Variants in SEMA4C observed in about 807,000 individuals in gnomAD.
The protein encoded by SEMA4C is semaphorin 4C.
Under a neutral mutation model 89.0 loss-of-function variants are expected in SEMA4C, and 19 were observed. That is an observed-to-expected ratio of 0.21 (90% CI 0.15 to 0.31). The LOEUF is 0.31. Ranked by LOEUF, SEMA4C falls within the 10% of genes least tolerant of loss-of-function variation. The pLI is 1.00. For missense variants in SEMA4C, 811 were observed against 1,107.0 expected, an observed-to-expected ratio of 0.73 and a Z score of 3.79; for synonymous variants, 428 against 472.7, an observed-to-expected ratio of 0.91 and a Z score of 1.23.
Position 96,865,944 on chromosome 2 carries a change from G to A in SEMA4C, c.259-15C>T, listed in dbSNP as rs766411271. 3.1e-6 allele frequency: 5 copies of A among 1,613,570 alleles called. No individual in the cohort carries two copies. The highest frequency in any genetic ancestry group is 3.4e-6 in the Non-Finnish European group (4 of 1,179,728). On this transcript the variant is annotated splice_polypyrimidine_tract_variant and intron_variant, in intron 3 of 14. Transcript: ENST00000305476. Reference sequence around the variant, plus strand: ...TCCCAGGAGATCTGGGGAAAGGGAAGGGGATGTCAGCCACGTTACAGGTAC... The same window carrying A: ...TCCCAGGAGATCTGGGGAAAGGGAAAGGGATGTCAGCCACGTTACAGGTAC...
rs2079929283 is a variant in SEMA4C at position 96,861,013 on chromosome 2, C to T, written c.2115G>A (p.Leu705=). ...EKGAKATERT[L]VYPLELPKEP... ...CCTTGGGCAGCTCCAGGGGGTACAC[C>T]AAGGTCCTCTCAGTAGCCTTGGCCC... The change falls in exon 15 of 15, where the codon TTG becomes TTA. Residue 705 remains leucine, a synonymous_variant. Coordinates refer to ENST00000305476, the MANE Select transcript of SEMA4C (RefSeq NM_017789.5). This position sits in a 1 kb window ranked among gnomAD's most constrained non-coding sequence, Gnocchi z 7.8. 1 of 1,612,932 alleles carries T rather than the reference C, an allele frequency of 6.2e-7. No individual in the cohort carries two copies.
intron 1 of SEMA4C, 91 bp downstream of exon 1, chr2:96,869,785 C>G (rs1193352577): frequency 6.1e-6 from 6 of 985,140 alleles, no homozygotes; most frequent in Non-Finnish European, 7.2e-6. Flanking sequence ...CTGTCCCTCC[C>G]GCGTCCGGCA....
In SEMA4C at chr2:96,861,284, A is replaced by G. The variant is rs147383988; in HGVS notation, c.1844T>C (p.Met615Thr). 1.0e-4 allele frequency: 168 copies of G among 1,608,020 alleles called. No individual in the cohort carries two copies. Among genetic ancestry groups the G allele is most frequent in the Non-Finnish European group, 1.2e-4 (143 of 1,179,702 alleles). The change falls in exon 15 of 15, where the codon ATG (methionine) becomes ACG (threonine). Residue 615 changes from methionine (M) to threonine (T), a missense_variant. Met to Thr is a moderately conservative substitution (Grantham distance 81, BLOSUM62 -1). Transcript: ENST00000305476. This position sits in a 1 kb window ranked among gnomAD's most constrained non-coding sequence, Gnocchi z 7.8. ...YDARLQALVV[M>T]AAQPRHAGAY... ...CCCGGCATGGCGGGGCTGGGCAGCC[A>G]TCACAACCAGGGCCTGGAGCCGGGC...
rs1436407115 is a variant in SEMA4C, at chr2:96,869,888, G to A, written c.-50C>T. ...CGGCCTCGCTCACCTATTGCGCGCA[G>A]CTCCAGTCCCCGGGCGCCGCCCTCG... On this transcript the variant is annotated 5_prime_UTR_variant, in exon 1 of 15. Transcript: ENST00000305476. 5 of 985,860 alleles carry A rather than the reference G, an allele frequency of 5.1e-6. No individual in the cohort carries two copies. Among genetic ancestry groups the A allele is most frequent in the African/African-American group, 1.7e-5 (1 of 57,208 alleles). The allele number at this position is 985,860 out of a possible 1,614,324, so 61.1% of individuals were successfully genotyped here.
chr2:96,863,110 T>A, intron 12 of SEMA4C: 1 of 316,524 alleles, frequency 3.2e-6, no homozygotes, highest in South Asian at 1.2e-4. Flanking sequence ...CTCAGGAGGC[T>A]GAGGCATAAG....
intron 1 of SEMA4C, chr2:96,869,442 G>C (rs941524001): frequency 3.5e-5 from 34 of 985,024 alleles, no homozygotes; most frequent in Non-Finnish European, 4.1e-5. Context: ...CTGGCTTTCC[G>C]GGACAACCCG....
At chr2:96,867,639 C>T in intron 2 of SEMA4C, 139 bp downstream of exon 2, 1 of 915,504 alleles carries the variant, frequency 1.1e-6, no homozygotes, top group South Asian at 1.4e-5. Context: ...ATCCCAGGTC[C>T]CAACCCACAC....
rs951300240 is a variant in SEMA4C at position 96,864,161 on chromosome 2, T to A, written c.1108-13A>T. 1 of 1,606,738 alleles carries A rather than the reference T, an allele frequency of 6.2e-7. No individual in the cohort carries two copies. The highest frequency in any genetic ancestry group is 8.5e-7 in the Non-Finnish European group (1 of 1,177,596). On this transcript the variant is annotated splice_polypyrimidine_tract_variant and intron_variant, in intron 10 of 14. Transcript: ENST00000305476. This position sits in a 1 kb window ranked among gnomAD's most constrained non-coding sequence, Gnocchi z 6.3. ...AGTTGTTAATGCACTGGGGGCAGGG[T>A]GTGGGGGGCAGGCCATCAGCAGGGT...
At chr2:96,862,182 A>G in intron 12 of SEMA4C, 1 of 420,412 alleles carries the variant, frequency 2.4e-6, no homozygotes, top group Non-Finnish European at 4.3e-6. Context: ...AAGTATAATC[A>G]CACACACTCA....
Position 96,865,125 on chromosome 2 carries a change from G to T in SEMA4C, c.635-10C>A. 1 of 1,586,256 alleles carries T rather than the reference G, an allele frequency of 6.3e-7. No homozygotes were observed. The highest frequency in any genetic ancestry group is 1.3e-5 in the African/African-American group (1 of 74,490). ...CCTACAAAGTGAGGTTCTGTGGGAA[G>T]GGGAGGAGGTCAGCAGGGAGGGGCT... On this transcript the variant is annotated splice_polypyrimidine_tract_variant and intron_variant, in intron 7 of 14. Coordinates refer to ENST00000305476, the MANE Select transcript of SEMA4C (RefSeq NM_017789.5).
At position 96,864,599 on chromosome 2, in the gene SEMA4C, G is replaced by A. The variant is rs1156734569; in HGVS notation, c.962+106C>T. ...CATTCTCCTTGGCTTCTGGACACCTGGCTTCCGGGACTGCCTCTGAGGCCT... is the reference window on the plus strand; with the variant it reads ...CATTCTCCTTGGCTTCTGGACACCTAGCTTCCGGGACTGCCTCTGAGGCCT... On this transcript the variant is annotated intron_variant, in intron 9 of 14. Coordinates refer to ENST00000305476, the MANE Select transcript of SEMA4C (RefSeq NM_017789.5). This position sits in a 1 kb window ranked among gnomAD's most constrained non-coding sequence, Gnocchi z 6.3. 17 of 1,431,446 alleles carry A rather than the reference G, an allele frequency of 1.2e-5. No individual in the cohort carries two copies. The highest frequency in any genetic ancestry group is 1.5e-5 in the Non-Finnish European group (16 of 1,056,184). 88.7% of individuals were successfully genotyped at this position (1,431,446 alleles called of 1,614,324 possible). A position where few individuals can be genotyped will look rare whatever the true frequency, so the allele number is the denominator to read the frequency against.
At chr2:96,867,085 TAC>T (rs2080090798) in intron 2 of SEMA4C, among the ~76,000 whole-genome samples, 1 of 152,102 alleles carries the variant, frequency 6.6e-6, no homozygotes. Flanking sequence ...ACGACATTTA[TAC>T]AGTCACGTGA....
rs746609266 is a variant in SEMA4C, at chr2:96,861,147, T to C, written c.1981A>G (p.Asn661Asp). Residue 661 changes from asparagine (N) to aspartate (D), a missense_variant, in exon 15 of 15, where the codon AAC becomes GAC. This residue lies in a region of SEMA4C where 248 missense variants were observed against 269.0 expected (regional missense o/e 0.92). Transcript: ENST00000305476. This position sits in a 1 kb window ranked among gnomAD's most constrained non-coding sequence, Gnocchi z 7.8. Reference protein sequence around the residue: ...VTLEARAPLENLGLVWLAVVA... With the variant: ...VTLEARAPLEDLGLVWLAVVA... ...ACCGCCAGCCACACCAGCCCCAGGTTTTCCAGGGGGGCCCGGGCCTCCAAG... is the reference window on the plus strand; with the variant it reads ...ACCGCCAGCCACACCAGCCCCAGGTCTTCCAGGGGGGCCCGGGCCTCCAAG... The C allele has an allele frequency of 3.1e-6, 5 of 1,611,158 alleles. No individual in the cohort carries two copies. The highest frequency in any genetic ancestry group is 1.1e-5 in the South Asian group (1 of 91,034).
chr2:96,860,267 G>A lies in SEMA4C; in HGVS notation c.*359C>T. On this transcript the variant is annotated 3_prime_UTR_variant, in exon 15 of 15. Coordinates refer to ENST00000305476, the MANE Select transcript of SEMA4C (RefSeq NM_017789.5). ...GACTTGACAGAAACAGGAAGGCTAT[G>A]CCACAAGCGCGCACGCGCGTGCACA... The A allele has an allele frequency of 4.3e-6, 1 of 233,764 alleles. No homozygotes were observed. The highest frequency in any genetic ancestry group is 8.2e-6 in the Non-Finnish European group (1 of 121,354). The allele number at this position is 233,764 out of a possible 1,614,324, so 14.5% of individuals were successfully genotyped here.
In SEMA4C at chr2:96,866,285, C is replaced by A; in HGVS notation, c.256G>T (p.Ala86Ser). 6.2e-7 allele frequency: 1 copy of A among 1,608,712 alleles called. No individual in the cohort carries two copies. The highest frequency in any genetic ancestry group is 8.5e-7 in the Non-Finnish European group (1 of 1,176,072). Residue 86 changes from alanine (A) to serine (S), a missense_variant and splice_region_variant, in exon 3 of 15, where the codon GCG (alanine) becomes TCG (serine). By Grantham distance (99) the Ala-to-Ser change is moderately conservative. Around this residue, in one of 4 missense-constraint regions of SEMA4C, gnomAD observed 119 missense variants for 152.7 expected, o/e 0.78. Coordinates refer to ENST00000305476, the MANE Select transcript of SEMA4C (RefSeq NM_017789.5). The part of the protein sequence containing the change: ...FSMEALELQG[A>S]ISWEAPVEKK... ...CCTCCCACTGCCCCACCTCTCACCGCTCCTTGCAGCTCCAGGGCCTCCATG... is the reference window on the plus strand; with the variant it reads ...CCTCCCACTGCCCCACCTCTCACCGATCCTTGCAGCTCCAGGGCCTCCATG...
intron 2 of SEMA4C, among the ~76,000 whole-genome samples, 185 bp downstream of exon 2, chr2:96,867,593 G>A (rs564395794): frequency 1.3e-5 from 2 of 152,322 alleles, no homozygotes; most frequent in African/African-American, 4.8e-5. Flanking sequence ...GCAGTCTGGG[G>A]TGGGGAGTTG....
At chr2:96,870,270 G>A (rs571307594), upstream of SEMA4C, 1 of 985,520 alleles carries the variant, frequency 1.0e-6, no homozygotes, top group African/African-American at 1.7e-5. Context: ...AACCCCTCCG[G>A]GTGTCCAGCA....
Position 96,864,464 on chromosome 2 carries a change from A to G in SEMA4C, c.963-82T>C, listed in dbSNP as rs1300246766. 1.9e-6 allele frequency: 3 copies of G among 1,578,148 alleles called. No individual in the cohort carries two copies. The highest frequency in any genetic ancestry group is 2.6e-6 in the Non-Finnish European group (3 of 1,164,124). On this transcript the variant is annotated intron_variant, in intron 9 of 14. Transcript: ENST00000305476. This position sits in a 1 kb window ranked among gnomAD's most constrained non-coding sequence, Gnocchi z 6.3. Reference sequence around the variant, plus strand: ...AGCTAAGGGCAAGCAGCAGGAAGGCAGGGCCTGGCACAAACTGGCCATGGG... The same window carrying G: ...AGCTAAGGGCAAGCAGCAGGAAGGCGGGGCCTGGCACAAACTGGCCATGGG...
Position 96,860,335 on chromosome 2 carries a change from A to C in SEMA4C, c.*291T>G, listed in dbSNP as rs946676258. 5 of 476,104 alleles carry C rather than the reference A, an allele frequency of 1.1e-5. No homozygotes were observed. The highest frequency in any genetic ancestry group is 3.8e-5 in the Admixed American group (1 of 26,142). The allele number at this position is 476,104 out of a possible 1,614,324, so 29.5% of individuals were successfully genotyped here. A position where few individuals can be genotyped will look rare whatever the true frequency, so the allele number is the denominator to read the frequency against. On this transcript the variant is annotated 3_prime_UTR_variant, in exon 15 of 15. Coordinates refer to ENST00000305476, the MANE Select transcript of SEMA4C (RefSeq NM_017789.5). ...ACAAACACATGTGCAAATACAGACA[A>C]ACACACATCTTGAAACTTCTGCCTT...
Sources: allele counts gnomAD v4.1 joint callset (sites outside exome capture counted in the v4.1 genomes callset), GRCh38; gene constraint gnomAD v4.1.1; regional missense constraint gnomAD v4.1.1; non-coding constraint Gnocchi (gnomAD v3.1); transcripts MANE v1.5; gene names NCBI Gene and HGNC (gene_info 2026-07-23, HGNC 2026-07-21).